The following SEMA3D variants were observed in gnomAD, a reference collection of about 807,000 sequenced individuals.
The protein encoded by SEMA3D is semaphorin-3D.
Under a neutral mutation model 100.1 loss-of-function variants are expected in SEMA3D, and 84 were observed. The ratio of observed to expected loss-of-function variants is 0.84; its 90% CI spans 0.70 to 1.01. The LOEUF is 1.01. Ranked by LOEUF, SEMA3D falls within the 50% of genes least tolerant of loss-of-function variation. The pLI is 0.00. For missense variants in SEMA3D, 875 were observed against 934.1 expected (o/e 0.94, Z 0.82); for synonymous variants, 312 against 320.7 (o/e 0.97, Z 0.29).
At chr7:85,059,105 A>T (rs924864747) in intron 8 of SEMA3D, among the ~76,000 whole-genome samples, 20 of 152,190 alleles carry the variant, frequency 1.3e-4, no homozygotes, top group Non-Finnish European at 2.5e-4. Flanking sequence ...GGGATGAATA[A>T]TAATCTTTAG....
At chr7:85,189,006 T>C (rs747793368), upstream of SEMA3D, among the ~76,000 whole-genome samples, 2 of 152,240 alleles carry the variant, frequency 1.3e-5, no homozygotes, top group Non-Finnish European at 1.5e-5. Context: ...TGTACTGATT[T>C]AGTTTGAGAT....
intron 12 of SEMA3D, among the ~76,000 whole-genome samples, chr7:85,032,564 T>A (rs73377841): frequency 0.026 from 3,929 of 152,166 alleles, 179 homozygotes; most frequent in African/African-American, 0.089. Context: ...CCTGCAAACA[T>A]GTTAGTAGAA....
intron 1 of SEMA3D, chr7:85,157,650 T>C (rs1403919244): frequency 2.8e-5 from 28 of 983,166 alleles, no homozygotes; most frequent in Non-Finnish European, 3.1e-5. Context: ...CGTACATACA[T>C]CAACATTGTT....
intron 9 of SEMA3D, among the ~76,000 whole-genome samples, chr7:85,054,757 G>T (rs1338411087): frequency 6.6e-6 from 1 of 152,070 alleles, no homozygotes; most frequent in Non-Finnish European, 1.5e-5. Context: ...ACCAAAGAAA[G>T]CTTCCTGCTG....
chr7:85,137,314 A>G (rs1314661762), intron 2 of SEMA3D, among the ~76,000 whole-genome samples: 1 of 152,008 alleles, frequency 6.6e-6, no homozygotes, highest in Non-Finnish European at 1.5e-5. Flanking sequence ...CATATATAGT[A>G]TATACATAGG....
At chr7:85,070,316 C>T (rs1056770261) in intron 6 of SEMA3D, among the ~76,000 whole-genome samples, 1 of 152,174 alleles carries the variant, frequency 6.6e-6, no homozygotes, top group Non-Finnish European at 1.5e-5. Context: ...CTTGCTACTA[C>T]TCTCACCTCA....
At chr7:85,064,067 A>C (rs1791547679) in intron 8 of SEMA3D, among the ~76,000 whole-genome samples, 2 of 152,226 alleles carry the variant, frequency 1.3e-5, no homozygotes, top group Admixed American at 1.3e-4. Context: ...AATTGAATGC[A>C]TATTTCCTAC....
In SEMA3D at chr7:85,029,289, C is replaced by T. The variant is rs1453991985; in HGVS notation, c.1192-6676G>A. 12 of 963,958 alleles carry T rather than the reference C, an allele frequency of 1.2e-5. No individual in the cohort carries two copies. The East Asian group carries it at 2.9e-4, about 23-fold the overall frequency. 59.7% of individuals were successfully genotyped at this position (963,958 alleles called of 1,614,324 possible). ...TCACTGATGACAAGGGCCATTTGAG[C>T]AAGGAAGACATTGAGCCTATGGTCC... On this transcript the variant is annotated intron_variant, in intron 12 of 18. Transcript: ENST00000284136.
Position 85,015,128 on chromosome 7 carries a change from C to A in SEMA3D, c.1634G>T (p.Cys545Phe). 1 of 1,611,822 alleles carries A rather than the reference C, an allele frequency of 6.2e-7. No individual in the cohort carries two copies. Among genetic ancestry groups the A allele is most frequent in the South Asian group, 1.1e-5 (1 of 91,016 alleles). The change falls in exon 16 of 19, where the codon TGT becomes TTT. Residue 545 changes from cysteine to phenylalanine, a missense_variant. By Grantham distance (205) the Cys-to-Phe change is radical. Coordinates refer to ENST00000284136, the MANE Select transcript of SEMA3D (RefSeq NM_001384900.1). ...GGCACAGTAGGGGTCTCTGGCAAGACAACAGTCTGCGCAAGCTTTCCCATA... is the reference window on the plus strand; with the variant it reads ...GGCACAGTAGGGGTCTCTGGCAAGAAAACAGTCTGCGCAAGCTTTCCCATA... ...DTYGKACADC[C>F]LARDPYCAWD...
chr7:85,212,274 C>T, the SEMA3D span, among the ~76,000 whole-genome samples: 12 of 152,066 alleles, frequency 7.9e-5, no homozygotes, highest in Non-Finnish European at 1.2e-4. Context: ...TGATTTATTT[C>T]AGGGGAGAAG....
At chr7:85,245,787 A>C in the SEMA3D span, among the ~76,000 whole-genome samples, 1 of 152,132 alleles carries the variant, frequency 6.6e-6, no homozygotes, top group South Asian at 2.1e-4. Flanking sequence ...ATCTTCTCTT[A>C]GTAAGATTTC....
At chr7:85,092,960 A>C (rs1788440836) in intron 4 of SEMA3D, among the ~76,000 whole-genome samples, 1 of 152,086 alleles carries the variant, frequency 6.6e-6, no homozygotes, top group Non-Finnish European at 1.5e-5. Flanking sequence ...AATACTGGAA[A>C]CAAATACTTT....
At chr7:85,244,872 G>A in the SEMA3D span, among the ~76,000 whole-genome samples, 5 of 151,918 alleles carry the variant, frequency 3.3e-5, no homozygotes, top group South Asian at 2.1e-4. Flanking sequence ...CACCACTCCC[G>A]GCTAATTTTT....
chr7:85,209,860 C>G, the SEMA3D span, among the ~76,000 whole-genome samples: 5 of 152,014 alleles, frequency 3.3e-5, no homozygotes, highest in Non-Finnish European at 7.4e-5. Flanking sequence ...AAAACGATGA[C>G]AAAATCTAGT....
At chr7:85,046,351 G>A (rs1051471023) in intron 9 of SEMA3D, among the ~76,000 whole-genome samples, 2 of 151,962 alleles carry the variant, frequency 1.3e-5, no homozygotes, top group Admixed American at 1.3e-4. Flanking sequence ...ATCTAGATTT[G>A]TAGGACAGAA....
At chr7:85,227,519 G>C in the SEMA3D span, among the ~76,000 whole-genome samples, 3 of 152,078 alleles carry the variant, frequency 2.0e-5, no homozygotes, top group African/African-American at 7.2e-5. Context: ...CCTTAATCTT[G>C]AATTTCTCAG....
intron 18 of SEMA3D, among the ~76,000 whole-genome samples, chr7:85,006,191 T>C (rs946076549): frequency 6.6e-6 from 1 of 152,036 alleles, no homozygotes; most frequent in Non-Finnish European, 1.5e-5. Flanking sequence ...CACTTAATTT[T>C]ATAGTAACTT....
At chr7:85,009,816 G>A (rs10486845) in intron 17 of SEMA3D, among the ~76,000 whole-genome samples, 42,185 of 151,528 alleles carry the variant, frequency 0.28, 6,146 homozygotes, top group Non-Finnish European at 0.33. Flanking sequence ...CCTGTCTATT[G>A]CACAACTGTT....
At chr7:85,078,223 ATT>A (rs1191502749) in intron 5 of SEMA3D, among the ~76,000 whole-genome samples, 2 of 152,074 alleles carry the variant, frequency 1.3e-5, no homozygotes, top group African/African-American at 2.4e-5. Context: ...CTTGTATATA[ATT>A]TGCAAACTTT....
Sources: gnomAD v4.1 joint callset for allele counts (sites outside exome capture counted in the v4.1 genomes callset) on GRCh38, gnomAD v4.1.1 for gene constraint, MANE v1.5 for transcripts, NCBI Gene and HGNC (gene_info 2026-07-23, HGNC 2026-07-21) for gene names.